JADE1: variants seen among roughly 807,000 people sequenced by gnomAD.
JADE1 encodes jade family PHD finger 1, also known as protein Jade-1.
JADE1 carries 14 observed loss-of-function variants against 81.8 expected under a neutral mutation model. The observed-to-expected ratio is 0.17, with a 90% CI of 0.11 to 0.27. The LOEUF is 0.27. Among genes scored for constraint, JADE1 ranks in the 10% least tolerant of loss-of-function variants. The pLI is 1.00. For missense variants in JADE1, 690 were observed against 1,047.9 expected (o/e 0.66, Z 4.71); for synonymous variants, 353 against 391.9 (o/e 0.90, Z 1.17).
At chr4:128,819,522 T>G (rs17013730) in intron 1 of JADE1, among the ~76,000 whole-genome samples, 3,671 of 152,298 alleles carry the variant, frequency 0.024, 121 homozygotes, top group African/African-American at 0.074. Context: ...TATAAGATTG[T>G]GTTCCACTAC....
chr4:128,845,399 TTCTC>T (rs1166340415), intron 3 of JADE1, among the ~76,000 whole-genome samples: 1 of 152,158 alleles, frequency 6.6e-6, no homozygotes, highest in East Asian at 1.9e-4. Flanking sequence ...GGTAGTGACT[TTCTC>T]TATTTCCTTT....
rs77942802 is a variant in JADE1 at position 128,861,930 on chromosome 4, T to G, written c.1208T>G (p.Leu403Arg). 8.6e-4 allele frequency: 1,395 copies of G among 1,614,106 alleles called. 9 individuals are homozygous for G. The African/African-American group carries it at 0.015, about 17-fold the overall frequency. ...PRNPLEPFAS[L>R]EQNREEAHRV... ...AATCCGCTGGAGCCCTTTGCCAGCC[T>G]TGAGCAGAACCGGGAGGAGGCCCAC... The change falls in exon 9 of 11, where the codon CTT (leucine) becomes CGT (arginine). Residue 403 changes from leucine (L) to arginine (R), a missense_variant. This residue lies in a region of JADE1 where 77 missense variants were observed against 76.4 expected (regional missense o/e 1.01). Coordinates refer to ENST00000226319, the MANE Select transcript of JADE1 (RefSeq NM_199320.4).
At chr4:128,868,386 T>C (rs2125901766) in intron 10 of JADE1, among the ~76,000 whole-genome samples, 1 of 152,314 alleles carries the variant, frequency 6.6e-6, no homozygotes, top group African/African-American at 2.4e-5. Flanking sequence ...ATCTGTAACA[T>C]GGTAAATATG....
At chr4:128,859,361 G>A (rs927898217) in intron 8 of JADE1, among the ~76,000 whole-genome samples, 20 of 152,094 alleles carry the variant, frequency 1.3e-4, no homozygotes, top group Admixed American at 1.2e-3. Context: ...TTGAGTATGC[G>A]TGTGTGAATG....
At chr4:128,822,779 A>G (rs779456008) in intron 1 of JADE1, among the ~76,000 whole-genome samples, 8 of 152,160 alleles carry the variant, frequency 5.3e-5, no homozygotes, top group Non-Finnish European at 8.8e-5. Flanking sequence ...AAAGTTCCCA[A>G]CTCAGTCTGT....
At chr4:128,834,825 A>G (rs13120702) in intron 2 of JADE1, among the ~76,000 whole-genome samples, 119,561 of 151,814 alleles carry the variant, frequency 0.79, 47,797 homozygotes, top group South Asian at 0.91. Context: ...GTGAGCCACC[A>G]CGCCTGGCCA....
In JADE1 at chr4:128,872,724, T is replaced by C. The variant is rs1732286343; in HGVS notation, c.*462T>C. 1 of 294,148 alleles carries C rather than the reference T, an allele frequency of 3.4e-6. No homozygotes were observed. The allele number at this position is 294,148 out of a possible 1,614,324, so 18.2% of individuals were successfully genotyped here. On this transcript the variant is annotated 3_prime_UTR_variant, in exon 11 of 11. Transcript: ENST00000226319. Reference sequence around the variant, plus strand: ...GACTGTGGTAGATCTTGAAATCATATTTATATTTGGCCCTCAAGGCTATTT... The same window carrying C: ...GACTGTGGTAGATCTTGAAATCATACTTATATTTGGCCCTCAAGGCTATTT...
chr4:128,859,512 TGTGA>T (rs1731129109), intron 8 of JADE1, among the ~76,000 whole-genome samples: 1 of 151,980 alleles, frequency 6.6e-6, no homozygotes, highest in Non-Finnish European at 1.5e-5. Context: ...TGTGTATGCG[TGTGA>T]GTATGCTTGT....
At chr4:128,813,541 C>A (rs1560717219) in intron 1 of JADE1, among the ~76,000 whole-genome samples, 1 of 151,970 alleles carries the variant, frequency 6.6e-6, no homozygotes, top group African/African-American at 2.4e-5. Context: ...GCCTCAGCCC[C>A]CTGAGTAGCT....
rs778503354 is a variant in JADE1, at chr4:128,871,473, A to G, written c.1740A>G (p.Arg580=). ...EDLKWHSAFF[R]KQMGTSLVHS... is the part of the protein sequence containing the mutation. ...TGAAGTGGCATTCTGCATTCTTCAG[A>G]AAACAAATGGGTACTTCCTTGGTTC... The change falls in exon 11 of 11, where the codon AGA becomes AGG. Residue 580 remains arginine, a synonymous_variant. Transcript: ENST00000226319. The surrounding 1 kb of genome is among the most constrained non-coding windows in gnomAD (Gnocchi z 4.1). The G allele has an allele frequency of 1.2e-6, 2 of 1,614,086 alleles. No individual in the cohort carries two copies. The highest frequency in any genetic ancestry group is 2.7e-5 in the African/African-American group (2 of 74,922).
chr4:128,849,303 AGCCCT>A, intron 5 of JADE1, 136 bp downstream of exon 5: 1 of 702,972 alleles, frequency 1.4e-6, no homozygotes, highest in African/African-American at 1.8e-5. Flanking sequence ...TGAGAATCGC[AGCCCT>A]GCCTTAGATC....
At chr4:128,850,894 G>A (rs1036977454) in intron 5 of JADE1, among the ~76,000 whole-genome samples, 6 of 152,144 alleles carry the variant, frequency 3.9e-5, no homozygotes, top group Non-Finnish European at 1.5e-5. Flanking sequence ...TAAACGGAAC[G>A]CATGCTTAAA....
chr4:128,851,051 C>T (rs1359242618), intron 5 of JADE1, among the ~76,000 whole-genome samples: 1 of 152,130 alleles, frequency 6.6e-6, no homozygotes, highest in Non-Finnish European at 1.5e-5. Context: ...CTGCCCCAGC[C>T]TCCCAAGTAG....
chr4:128,855,056 A>G (rs1341770584), intron 6 of JADE1, among the ~76,000 whole-genome samples: 1 of 151,524 alleles, frequency 6.6e-6, no homozygotes, highest in Non-Finnish European at 1.5e-5. Context: ...GAGTGCTGGG[A>G]TCTAGTTGGT....
intron 1 of JADE1, among the ~76,000 whole-genome samples, chr4:128,826,631 A>G (rs1450728184): frequency 6.7e-6 from 1 of 150,172 alleles, no homozygotes; most frequent in Non-Finnish European, 1.5e-5. Context: ...TATCTATTGC[A>G]TGCAGATAAT....
intron 1 of JADE1, among the ~76,000 whole-genome samples, chr4:128,817,148 A>G (rs1347465137): frequency 1.3e-5 from 2 of 152,026 alleles, no homozygotes; most frequent in Non-Finnish European, 2.9e-5. Context: ...GTGAACCACC[A>G]TGACTGGCCA....
rs1400139623 is a variant in JADE1 at position 128,849,077 on chromosome 4, C to T, written c.394C>T (p.Arg132Trp). 7.4e-6 allele frequency: 12 copies of T among 1,613,974 alleles called. No individual in the cohort carries two copies. The highest frequency in any genetic ancestry group is 7.6e-6 in the Non-Finnish European group (9 of 1,180,032). ...EPPELGYVDIRTLADSVCRYD... is the reference protein window; with the variant it reads ...EPPELGYVDIWTLADSVCRYD... ...TCCCGAGTTGGGCTATGTGGACATCCGGACGCTGGCTGACAGCGTGTGTCG... is the reference window on the plus strand; with the variant it reads ...TCCCGAGTTGGGCTATGTGGACATCTGGACGCTGGCTGACAGCGTGTGTCG... The change falls in exon 5 of 11, where the codon CGG becomes TGG. Residue 132 changes from arginine (R) to tryptophan (W), a missense_variant. Physicochemically the swap from Arg to Trp is moderately radical, Grantham distance 101. This residue lies in a region of JADE1 where 98 missense variants were observed against 161.3 expected (regional missense o/e 0.61). Transcript: ENST00000226319.
intron 6 of JADE1, among the ~76,000 whole-genome samples, 189 bp from the exon 7 acceptor site, chr4:128,855,441 A>G (rs1434132586): frequency 6.6e-6 from 1 of 152,100 alleles, no homozygotes; most frequent in Non-Finnish European, 1.5e-5. Flanking sequence ...CACCTCCTAA[A>G]TGCTCCTGTG....
intron 9 of JADE1, among the ~76,000 whole-genome samples, chr4:128,866,704 G>T (rs1321290459): frequency 1.3e-5 from 2 of 152,198 alleles, no homozygotes; most frequent in African/African-American, 4.8e-5. Context: ...GGAAGAGTTT[G>T]CTCATAATGG....
Sources: gnomAD v4.1 joint callset for allele counts (sites outside exome capture counted in the v4.1 genomes callset) on GRCh38, gnomAD v4.1.1 for gene constraint, gnomAD v4.1.1 regional missense constraint, Gnocchi (gnomAD v3.1) non-coding constraint, MANE v1.5 for transcripts, NCBI Gene and HGNC (gene_info 2026-07-23, HGNC 2026-07-21) for gene names.